Variants in NKAIN3 observed in about 807,000 individuals in gnomAD.
The protein encoded by NKAIN3 is sodium/potassium-transporting ATPase subunit beta-1-interacting protein 3.
In NKAIN3, 25 loss-of-function variants were observed where a neutral mutation model predicts 30.2. That is an observed-to-expected ratio of 0.83 (90% CI 0.60 to 1.16). The LOEUF (loss-of-function observed/expected upper bound fraction) is 1.16, where lower values mean the gene tolerates loss of function less well. NKAIN3 is among the 50% of genes most tolerant of loss of function. The pLI is 0.00. For synonymous variants in NKAIN3, 91 were observed against 89.6 expected, an observed-to-expected ratio of 1.02 and a Z score of -0.09; for missense variants, 225 against 254.1, an observed-to-expected ratio of 0.89 and a Z score of 0.78.
chr8:62,566,581 T>A (rs1809756844), intron 1 of NKAIN3, among the ~76,000 whole-genome samples: 1 of 152,192 alleles, frequency 6.6e-6, no homozygotes, highest in African/African-American at 2.4e-5. Context: ...TGCATCACAA[T>A]CTTTCCACAT....
intron 1 of NKAIN3, among the ~76,000 whole-genome samples, chr8:62,462,042 CA>C (rs1380164867): frequency 6.6e-6 from 1 of 151,708 alleles, no homozygotes; most frequent in African/African-American, 2.4e-5. Context: ...ATTAAACTAT[CA>C]AAAGGCAAAG....
intron 4 of NKAIN3, among the ~76,000 whole-genome samples, chr8:62,787,681 TC>T (rs1456193809): frequency 2.6e-5 from 4 of 151,976 alleles, no homozygotes; most frequent in African/African-American, 4.8e-5. Context: ...CCTCCCCACT[TC>T]CCCCACCCCA....
chr8:62,825,262 AC>A (rs1321370432), intron 4 of NKAIN3, among the ~76,000 whole-genome samples: 2 of 152,124 alleles, frequency 1.3e-5, no homozygotes, highest in African/African-American at 4.8e-5. Flanking sequence ...CTTATTTATA[AC>A]TCCCATGGAC....
rs185888243 is a variant in NKAIN3, at chr8:62,609,147, C to T, written c.273+19353C>T. On this transcript the variant is annotated intron_variant, in intron 3 of 6. Transcript: ENST00000623646. The stretch of plus-strand genomic sequence containing the variant: ...TCTATTTCTTTACCTTTAGAAACTC[C>T]CTACTTTATTTTTCACTAAATCATC... Among the ~76,000 whole-genome samples the T allele has an allele frequency of 8.5e-5, 13 of 152,158 alleles. No homozygotes were observed. The East Asian group carries it at 2.5e-3, about 29-fold the overall frequency.
At position 62,962,898 on chromosome 8, in the gene NKAIN3, T is replaced by C. The variant is rs186996293; in HGVS notation, c.604-2456T>C. On this transcript the variant is annotated intron_variant, in intron 6 of 6. Coordinates refer to ENST00000623646, the MANE Select transcript of NKAIN3 (RefSeq NM_001304533.3). The stretch of plus-strand genomic sequence containing the variant: ...TATTCTGTCTATCTTTGTGTCTGAA[T>C]TTTTTTTTTTGAGATGGAGTTTCGC... Among the ~76,000 whole-genome samples, 39 of 149,160 alleles carry C rather than the reference T, an allele frequency of 2.6e-4. No homozygotes were observed. In the East Asian group the frequency reaches 7.0e-3, roughly 27 times the overall value.
intron 4 of NKAIN3, among the ~76,000 whole-genome samples, chr8:62,768,211 T>C (rs921212588): frequency 6.6e-6 from 1 of 152,206 alleles, no homozygotes; most frequent in Admixed American, 6.5e-5. Flanking sequence ...GCACTAGTTC[T>C]GCCTCTTGTG....
intron 4 of NKAIN3, among the ~76,000 whole-genome samples, chr8:62,826,286 G>T (rs1819022263): frequency 6.6e-6 from 1 of 151,924 alleles, no homozygotes; most frequent in South Asian, 2.1e-4. Context: ...GTGAGTGTTT[G>T]TGTGTGTGTG....
In NKAIN3 at chr8:62,641,161, T is replaced by C. The variant is rs73264840; in HGVS notation, c.273+51367T>C. Among the ~76,000 whole-genome samples, 353 of 152,266 alleles carry C rather than the reference T, an allele frequency of 2.3e-3. 1 individual carries two copies. The highest frequency in any genetic ancestry group is 8.1e-3 in the African/African-American group (338 of 41,576). On this transcript the variant is annotated intron_variant, in intron 3 of 6. Transcript: ENST00000623646. ...AATCAGAATCTACACTTTAACAAGATGCTCAGATGATCCTTACACCACCAA... is the reference window on the plus strand; with the variant it reads ...AATCAGAATCTACACTTTAACAAGACGCTCAGATGATCCTTACACCACCAA...
chr8:62,456,438 G>C (rs1417137720), intron 1 of NKAIN3, among the ~76,000 whole-genome samples: 3 of 151,904 alleles, frequency 2.0e-5, no homozygotes, highest in African/African-American at 4.8e-5. Flanking sequence ...AGAATGGCGT[G>C]AACCTGTGAG....
chr8:62,687,382 G>A (rs547081928), intron 3 of NKAIN3, among the ~76,000 whole-genome samples: 5 of 152,302 alleles, frequency 3.3e-5, no homozygotes, highest in South Asian at 2.1e-4. Flanking sequence ...TTCTCCCAGC[G>A]TTGTGTCCAA....
At chr8:62,543,304 A>G (rs1448888059) in intron 1 of NKAIN3, among the ~76,000 whole-genome samples, 1 of 152,144 alleles carries the variant, frequency 6.6e-6, no homozygotes, top group East Asian at 1.9e-4. Flanking sequence ...CCTTTGGTCC[A>G]TCTAGCTCAT....
At chr8:62,798,788 C>T (rs1009789930) in intron 4 of NKAIN3, among the ~76,000 whole-genome samples, 3 of 152,024 alleles carry the variant, frequency 2.0e-5, no homozygotes, top group South Asian at 2.1e-4. Context: ...AGCCCTAGCA[C>T]ACTAATACAC....
intron 1 of NKAIN3, among the ~76,000 whole-genome samples, chr8:62,549,199 C>T (rs927733225): frequency 6.6e-6 from 1 of 152,158 alleles, no homozygotes; most frequent in East Asian, 1.9e-4. Flanking sequence ...TTTGCCTATA[C>T]ATTTTAATAT....
intron 1 of NKAIN3, among the ~76,000 whole-genome samples, chr8:62,435,579 G>A (rs537024064): frequency 1.1e-4 from 16 of 152,198 alleles, no homozygotes; most frequent in African/African-American, 3.6e-4. Flanking sequence ...AAATCACTAT[G>A]CTAATTTTTA....
At chr8:62,882,915 A>T (rs1821030757) in intron 4 of NKAIN3, among the ~76,000 whole-genome samples, 1 of 152,018 alleles carries the variant, frequency 6.6e-6, no homozygotes, top group Non-Finnish European at 1.5e-5. Context: ...CTATTTGTCT[A>T]TTTCTGTGCC....
intron 3 of NKAIN3, among the ~76,000 whole-genome samples, chr8:62,712,962 A>T (rs565050494): frequency 6.6e-6 from 1 of 152,310 alleles, no homozygotes; most frequent in South Asian, 2.1e-4. Context: ...GGCTCCAAGT[A>T]AAGTCGGAAA....
At chr8:62,656,905 G>A (rs1428473053) in intron 3 of NKAIN3, among the ~76,000 whole-genome samples, 23 of 152,138 alleles carry the variant, frequency 1.5e-4, no homozygotes, top group Non-Finnish European at 3.4e-4. Context: ...AAATCAACAT[G>A]TTACCAAATA....
intron 2 of NKAIN3, among the ~76,000 whole-genome samples, chr8:62,580,906 TTATATA>T (rs71255350): frequency 2.7e-5 from 3 of 112,274 alleles, no homozygotes; most frequent in Non-Finnish European, 6.2e-5. Context: ...GCTAGGGTTT[TTATATA>T]TATATATATA....
intron 4 of NKAIN3, among the ~76,000 whole-genome samples, chr8:62,880,475 C>A (rs937537660): frequency 2.0e-5 from 3 of 152,182 alleles, no homozygotes; most frequent in Non-Finnish European, 4.4e-5. Context: ...CAAAACTTAG[C>A]ATGAAGTGAA....
Sources: gnomAD v4.1 joint callset for allele counts (sites outside exome capture counted in the v4.1 genomes callset) on GRCh38, gnomAD v4.1.1 for gene constraint, MANE v1.5 for transcripts, NCBI Gene and HGNC (gene_info 2026-07-23, HGNC 2026-07-21) for gene names.